The following ANGPTL1 variants were observed in gnomAD, a reference collection of about 807,000 sequenced individuals.
ANGPTL1 encodes angiopoietin like 1.
Under a neutral mutation model 46.7 loss-of-function variants are expected in ANGPTL1, and 36 were observed. The observed-to-expected ratio is 0.77, with a 90% CI of 0.59 to 1.02. The LOEUF (loss-of-function observed/expected upper bound fraction) is 1.02. Among genes scored for constraint, ANGPTL1 ranks in the 50% least tolerant of loss-of-function variants. ANGPTL1 has a pLI of 0.00. For synonymous variants in ANGPTL1, 221 were observed against 204.3 expected (o/e 1.08, Z -0.69); for missense variants, 571 against 594.7 (o/e 0.96, Z 0.41).
At chr1:178,867,624 CT>C (rs1247538201) in intron 2 of ANGPTL1, among the ~76,000 whole-genome samples, 11 of 152,046 alleles carry the variant, frequency 7.2e-5, no homozygotes, top group African/African-American at 2.6e-4. Flanking sequence ...CTGCCTTTTC[CT>C]GGTTTATGTC....
intron 3 of ANGPTL1, 37 bp downstream of exon 3, chr1:178,864,917 C>T: frequency 7.4e-7 from 1 of 1,354,868 alleles, no homozygotes; most frequent in Non-Finnish European, 9.6e-7. Context: ...AAATATAAAC[C>T]TCATACTCCC....
Position 178,851,130 on chromosome 1 carries a change from C to G in ANGPTL1, c.1475G>C (p.Ter492SerextTer21). 1 of 1,610,324 alleles carries G rather than the reference C, an allele frequency of 6.2e-7. No homozygotes were observed. The highest frequency in any genetic ancestry group is 8.5e-7 in the Non-Finnish European group (1 of 1,178,672). The stretch of plus-strand genomic sequence containing the variant: ...ATTTAAATTGGCGAGTGTCTCTCTT[C>G]AGTCAATAGGCTTGATCATCATCTG... ...AVQMMIKPID[*>S] The change falls in exon 6 of 6, where the codon TGA becomes TCA. Residue 492 changes from the stop codon to serine, a stop_lost. Coordinates refer to ENST00000234816, the MANE Select transcript of ANGPTL1 (RefSeq NM_004673.4).
At chr1:178,852,584 A>T in intron 5 of ANGPTL1, 99 bp downstream of exon 5, 1 of 1,326,952 alleles carries the variant, frequency 7.5e-7, no homozygotes, top group Non-Finnish European at 1.0e-6. Flanking sequence ...ACCAAAACTG[A>T]CCTTTTTGAA....
At chr1:178,856,605 A>G (rs189956879) in intron 3 of ANGPTL1, among the ~76,000 whole-genome samples, 10 of 151,500 alleles carry the variant, frequency 6.6e-5, no homozygotes, top group Non-Finnish European at 1.5e-4. Flanking sequence ...TGCTTCTGGG[A>G]TAGACTCAAC....
chr1:178,855,160 C>T (rs981835462), intron 3 of ANGPTL1, among the ~76,000 whole-genome samples: 39 of 152,016 alleles, frequency 2.6e-4, no homozygotes, highest in African/African-American at 9.4e-4. Context: ...TATACTTTGC[C>T]AGATATGTAC....
At chr1:178,851,973 T>C (rs142800012) in intron 5 of ANGPTL1, among the ~76,000 whole-genome samples, 2 of 152,196 alleles carry the variant, frequency 1.3e-5, no homozygotes, top group African/African-American at 2.4e-5. Flanking sequence ...AAATTTGAAA[T>C]TATGTGGATG....
In ANGPTL1 at chr1:178,851,121, G is replaced by A. The variant is rs1184718456; in HGVS notation, c.*8C>T. 1.4e-5 allele frequency: 22 copies of A among 1,608,764 alleles called. No homozygotes were observed. Among genetic ancestry groups the A allele is most frequent in the Non-Finnish European group, 1.8e-5 (21 of 1,177,990 alleles). ...TTCTGTGTCATTTAAATTGGCGAGTGTCTCTCTTCAGTCAATAGGCTTGAT... is the reference window on the plus strand; with the variant it reads ...TTCTGTGTCATTTAAATTGGCGAGTATCTCTCTTCAGTCAATAGGCTTGAT... On this transcript the variant is annotated 3_prime_UTR_variant, in exon 6 of 6. Coordinates refer to ENST00000234816, the MANE Select transcript of ANGPTL1 (RefSeq NM_004673.4).
chr1:178,852,417 C>T (rs1657234126), intron 5 of ANGPTL1, among the ~76,000 whole-genome samples: 1 of 152,194 alleles, frequency 6.6e-6, no homozygotes, highest in Non-Finnish European at 1.5e-5. Flanking sequence ...ATTGTAGGCA[C>T]TTGCATTTTA....
chr1:178,856,807 T>C (rs1657618607), intron 3 of ANGPTL1, among the ~76,000 whole-genome samples: 1 of 152,186 alleles, frequency 6.6e-6, no homozygotes, highest in Non-Finnish European at 1.5e-5. Context: ...TGTACAGTCA[T>C]TTCTACTGCA....
intron 3 of ANGPTL1, among the ~76,000 whole-genome samples, chr1:178,862,593 T>TTTA (rs1553272297): frequency 0.018 from 2,472 of 140,730 alleles, 56 homozygotes; most frequent in African/African-American, 0.054. Flanking sequence ...GTTGCATTTT[T>TTTA]TTTATTTATT....
intron 3 of ANGPTL1, among the ~76,000 whole-genome samples, chr1:178,861,554 G>A (rs1393185792): frequency 6.6e-6 from 1 of 151,796 alleles, no homozygotes; most frequent in South Asian, 2.1e-4. Context: ...GTTTAAAAAT[G>A]TGAATAGTGA....
intron 3 of ANGPTL1, among the ~76,000 whole-genome samples, chr1:178,855,426 A>G (rs889767435): frequency 1.3e-5 from 2 of 151,916 alleles, no homozygotes; most frequent in Non-Finnish European, 2.9e-5. Flanking sequence ...AATCAAGAGG[A>G]CATCAGTTTC....
At chr1:178,859,575 T>C (rs1657824924) in intron 3 of ANGPTL1, among the ~76,000 whole-genome samples, 1 of 151,530 alleles carries the variant, frequency 6.6e-6, no homozygotes. Flanking sequence ...TTTTAACTTT[T>C]TAAGCTTACC....
chr1:178,856,202 G>GAT (rs55797277), intron 3 of ANGPTL1, among the ~76,000 whole-genome samples: 1,666 of 83,726 alleles, frequency 0.02, 16 homozygotes, highest in Non-Finnish European at 0.024. Flanking sequence ...GAGAGAGAGA[G>GAT]ATATATATAT....
intron 2 of ANGPTL1, among the ~76,000 whole-genome samples, chr1:178,868,486 G>A (rs1558161946): frequency 6.6e-6 from 1 of 151,940 alleles, no homozygotes; most frequent in African/African-American, 2.4e-5. Flanking sequence ...AATGCAGGAA[G>A]TAATATAAAA....
chr1:178,856,769 AAATTT>A (rs1277969712), intron 3 of ANGPTL1, among the ~76,000 whole-genome samples: 1 of 152,182 alleles, frequency 6.6e-6, no homozygotes, highest in Admixed American at 6.5e-5. Context: ...CTTATTTAAT[AAATTT>A]AATATAGCTC....
chr1:178,865,357 C>G lies in ANGPTL1; in HGVS notation c.420G>C (p.Glu140Asp). ...GTGAATTATCCCTCTTACGGATAATCTCATGTAATAATTGCATATAGAGTT... is the reference window on the plus strand; with the variant it reads ...GTGAATTATCCCTCTTACGGATAATGTCATGTAATAATTGCATATAGAGTT... ...VTQLYMQLLH[E>D]IIRKRDNSLE... The change falls in exon 3 of 6, where the codon GAG (glutamate) becomes GAC (aspartate). Residue 140 changes from glutamate (E) to aspartate (D), a missense_variant. By Grantham distance (45) the Glu-to-Asp change is conservative (BLOSUM62 2). Coordinates refer to ENST00000234816, the MANE Select transcript of ANGPTL1 (RefSeq NM_004673.4). The G allele has an allele frequency of 6.2e-7, 1 of 1,614,070 alleles. No individual in the cohort carries two copies. The highest frequency in any genetic ancestry group is 8.5e-7 in the Non-Finnish European group (1 of 1,179,996).
At chr1:178,853,316 AT>A in intron 4 of ANGPTL1, 4 of 710,512 alleles carry the variant, frequency 5.6e-6, no homozygotes, top group Non-Finnish European at 6.9e-6. Flanking sequence ...AGAGCCCAAC[AT>A]TTTTTTCCTA....
chr1:178,854,689 TAA>T (rs1657411563), intron 3 of ANGPTL1, among the ~76,000 whole-genome samples: 1 of 152,164 alleles, frequency 6.6e-6, no homozygotes, highest in African/African-American at 2.4e-5. Flanking sequence ...CAGAAGATGG[TAA>T]ACCCTAGATA....
Sources: allele counts gnomAD v4.1 joint callset (sites outside exome capture counted in the v4.1 genomes callset), GRCh38; gene constraint gnomAD v4.1.1; transcripts MANE v1.5; gene names NCBI Gene and HGNC (gene_info 2026-07-23, HGNC 2026-07-21).